SGCZ: variants seen among roughly 807,000 people sequenced by gnomAD.
SGCZ encodes zeta-sarcoglycan.
SGCZ carries 40 observed loss-of-function variants against 41.3 expected under a neutral mutation model. The ratio of observed to expected loss-of-function variants is 0.97; its 90% CI spans 0.75 to 1.26. The LOEUF (loss-of-function observed/expected upper bound fraction) is 1.26, where lower values mean the gene tolerates loss of function less well. Ranked by LOEUF, SGCZ falls within the 50% of genes most tolerant of loss-of-function variation. The probability of loss-of-function intolerance (pLI) is 0.00; values close to 1 mark genes in which losing one functional copy is unlikely to be tolerated. For missense variants in SGCZ, 552 were observed against 369.8 expected, an observed-to-expected ratio of 1.49 and a Z score of -4.04; for synonymous variants, 206 against 137.5, an observed-to-expected ratio of 1.50 and a Z score of -3.49.
At chr8:14,866,433 C>A (rs1302352566) in intron 1 of SGCZ, among the ~76,000 whole-genome samples, 1 of 151,792 alleles carries the variant, frequency 6.6e-6, no homozygotes, top group Non-Finnish European at 1.5e-5. Context: ...GGTACTATGA[C>A]TATAAGAAAG....
chr8:14,837,455 G>A (rs754778475), intron 1 of SGCZ, among the ~76,000 whole-genome samples: 1 of 152,168 alleles, frequency 6.6e-6, no homozygotes, highest in African/African-American at 2.4e-5. Context: ...AGAGTGTAGA[G>A]TTGCTTGTAG....
At chr8:14,426,149 G>A (rs1436452459) in intron 2 of SGCZ, among the ~76,000 whole-genome samples, 1 of 152,004 alleles carries the variant, frequency 6.6e-6, no homozygotes, top group African/African-American at 2.4e-5. Flanking sequence ...AAGGGATTCA[G>A]CCCCTAATAA....
chr8:14,444,501 T>C (rs1472400812), intron 2 of SGCZ, among the ~76,000 whole-genome samples: 3 of 152,150 alleles, frequency 2.0e-5, no homozygotes, highest in Admixed American at 6.5e-5. Context: ...GATGAGTTCA[T>C]GTCCTTTGTA....
chr8:14,379,936 T>C (rs1804296825), intron 2 of SGCZ, among the ~76,000 whole-genome samples: 1 of 152,128 alleles, frequency 6.6e-6, no homozygotes, highest in Non-Finnish European at 1.5e-5. Flanking sequence ...TTCACCATGT[T>C]GGCCGGGCCT....
intron 1 of SGCZ, among the ~76,000 whole-genome samples, chr8:15,027,928 C>T (rs1268221449): frequency 6.6e-6 from 1 of 152,018 alleles, no homozygotes; most frequent in Non-Finnish European, 1.5e-5. Context: ...CATTAAAAAA[C>T]CTATGAGGTT....
At chr8:14,174,225 A>G (rs1804475557) in intron 4 of SGCZ, among the ~76,000 whole-genome samples, 1 of 152,134 alleles carries the variant, frequency 6.6e-6, no homozygotes, top group African/African-American at 2.4e-5. Context: ...TTAAAGACAT[A>G]CTATCAAACT....
At chr8:14,836,453 G>T (rs577364593) in intron 1 of SGCZ, among the ~76,000 whole-genome samples, 66 of 152,136 alleles carry the variant, frequency 4.3e-4, no homozygotes, top group African/African-American at 1.5e-3. Context: ...CTGGTATCCC[G>T]CTTTCTAGTC....
intron 4 of SGCZ, among the ~76,000 whole-genome samples, chr8:14,202,913 G>C (rs879637690): frequency 6.6e-6 from 1 of 152,248 alleles, no homozygotes; most frequent in African/African-American, 2.4e-5. Flanking sequence ...TCTTGTGGGA[G>C]GAATCAGGCG....
chr8:15,133,517 T>C (rs970220546), intron 1 of SGCZ, among the ~76,000 whole-genome samples: 4 of 152,166 alleles, frequency 2.6e-5, no homozygotes, highest in Non-Finnish European at 5.9e-5. Flanking sequence ...CTCACAGTTC[T>C]TTTTACTCAC....
At chr8:14,817,402 G>A (rs919723177) in intron 1 of SGCZ, among the ~76,000 whole-genome samples, 1 of 152,170 alleles carries the variant, frequency 6.6e-6, no homozygotes, top group East Asian at 1.9e-4. Context: ...CCAGTTTGAA[G>A]AGTAGCCAGG....
chr8:15,135,065 C>T (rs1057512391), intron 1 of SGCZ, among the ~76,000 whole-genome samples: 3 of 152,150 alleles, frequency 2.0e-5, no homozygotes, highest in Non-Finnish European at 4.4e-5. Flanking sequence ...ATCTGAAATG[C>T]TGTCCTAAAT....
At chr8:15,043,362 T>A (rs568304613) in intron 1 of SGCZ, among the ~76,000 whole-genome samples, 2 of 152,186 alleles carry the variant, frequency 1.3e-5, no homozygotes, top group Admixed American at 6.5e-5. Context: ...ATCTCATTCT[T>A]AGTTGAATTT....
chr8:14,548,480 T>C (rs1378889834), intron 2 of SGCZ, among the ~76,000 whole-genome samples: 1 of 152,162 alleles, frequency 6.6e-6, no homozygotes, highest in African/African-American at 2.4e-5. Flanking sequence ...AGTTGTGGGT[T>C]TTTGAGAAAA....
At chr8:14,974,252 T>C (rs77806235) in intron 1 of SGCZ, among the ~76,000 whole-genome samples, 1 of 152,186 alleles carries the variant, frequency 6.6e-6, no homozygotes, top group Non-Finnish European at 1.5e-5. Flanking sequence ...TAATTTAAGT[T>C]CTTATGTAAA....
intron 2 of SGCZ, among the ~76,000 whole-genome samples, chr8:14,394,143 CTTTTTTTTTTTT>C (rs75054512): frequency 2.6e-5 from 3 of 117,496 alleles, no homozygotes; most frequent in African/African-American, 9.0e-5. Flanking sequence ...CGCCCCCCAC[CTTTTTTTTTTTT>C]TTTTTTTTTT....
At chr8:15,043,140 G>A (rs1804171364) in intron 1 of SGCZ, among the ~76,000 whole-genome samples, 1 of 152,196 alleles carries the variant, frequency 6.6e-6, no homozygotes, top group East Asian at 1.9e-4. Flanking sequence ...GTCCTAAGGG[G>A]TATCTCTATT....
At chr8:14,448,094 G>A (rs1421274506) in intron 2 of SGCZ, among the ~76,000 whole-genome samples, 2 of 152,110 alleles carry the variant, frequency 1.3e-5, no homozygotes, top group Non-Finnish European at 2.9e-5. Flanking sequence ...CATCGAAATA[G>A]TAGCAGTAAC....
At chr8:14,907,927 T>C (rs1014834141) in intron 1 of SGCZ, among the ~76,000 whole-genome samples, 6 of 152,206 alleles carry the variant, frequency 3.9e-5, no homozygotes, top group African/African-American at 1.4e-4. Context: ...TTATTAATAG[T>C]ACAGTATAAT....
chr8:15,077,125 T>C (rs966894557), intron 1 of SGCZ, among the ~76,000 whole-genome samples: 4 of 152,214 alleles, frequency 2.6e-5, no homozygotes. Context: ...GATTCTTTTT[T>C]TCATGAATAA....
Sources: gnomAD v4.1 joint callset for allele counts (sites outside exome capture counted in the v4.1 genomes callset) on GRCh38, gnomAD v4.1.1 for gene constraint, MANE v1.5 for transcripts, NCBI Gene and HGNC (gene_info 2026-07-23, HGNC 2026-07-21) for gene names.